The following NCR1 variants were observed in gnomAD, a reference collection of about 807,000 sequenced individuals.
The protein encoded by NCR1 is NK cell-activating receptor.
NCR1 carries 30 observed loss-of-function variants against 32.5 expected under a neutral mutation model. The ratio of observed to expected loss-of-function variants is 0.92; its 90% CI spans 0.69 to 1.25. NCR1 has a LOEUF of 1.25. Ranked by LOEUF, NCR1 falls within the 50% of genes most tolerant of loss-of-function variation. The pLI is 0.00. For synonymous variants in NCR1, 169 were observed against 143.4 expected (o/e 1.18, Z -1.28); for missense variants, 369 against 380.7 (o/e 0.97, Z 0.26).
chr19:54,909,828 A>G (rs1012445131), intron 4 of NCR1, among the ~76,000 whole-genome samples, 190 bp from the exon 5 acceptor site: 8 of 149,584 alleles, frequency 5.3e-5, no homozygotes, highest in African/African-American at 2.0e-4. Flanking sequence ...CCAGCTACTC[A>G]GGAGGCTGAG....
downstream of NCR1, among the ~76,000 whole-genome samples, chr19:54,915,296 A>C (rs1460410834): frequency 1.3e-5 from 2 of 152,068 alleles, no homozygotes; most frequent in Non-Finnish European, 2.9e-5. Flanking sequence ...AGGGGTCTTG[A>C]AATGCTGTCT....
the NCR1 span, among the ~76,000 whole-genome samples, chr19:54,937,542 A>G: frequency 6.6e-6 from 1 of 151,414 alleles, no homozygotes; most frequent in African/African-American, 2.4e-5. Context: ...AAAACACAAG[A>G]TTAAGTCATT....
rs773714148 is a variant in NCR1, at chr19:54,912,158, T to G, written c.683-10T>G. On this transcript the variant is annotated splice_polypyrimidine_tract_variant and intron_variant, in intron 5 of 6. Coordinates refer to ENST00000291890, the MANE Select transcript of NCR1 (RefSeq NM_004829.7). ...AACCATCCTCTTTTCTTCACTTCCCTTATCATCAGCAGACACTTGGGGCAC... is the reference window on the plus strand; with the variant it reads ...AACCATCCTCTTTTCTTCACTTCCCGTATCATCAGCAGACACTTGGGGCAC... 2 of 1,613,184 alleles carry G rather than the reference T, an allele frequency of 1.2e-6. No individual in the cohort carries two copies. Among genetic ancestry groups the G allele is most frequent in the Non-Finnish European group, 1.7e-6 (2 of 1,179,394 alleles).
At chr19:54,902,319 A>C (rs1278537356), upstream of NCR1, among the ~76,000 whole-genome samples, 1 of 151,144 alleles carries the variant, frequency 6.6e-6, no homozygotes, top group South Asian at 2.1e-4. Context: ...TTTTTTTTAT[A>C]GACAGGGTAA....
At chr19:54,900,190 C>T in the NCR1 span, among the ~76,000 whole-genome samples, 1 of 152,140 alleles carries the variant, frequency 6.6e-6, no homozygotes, top group African/African-American at 2.4e-5. Context: ...AAATTTCACT[C>T]ACGTCCGTGT....
Position 54,913,010 on chromosome 19 carries a change from G to A in NCR1, c.*139G>A. 2.6e-6 allele frequency: 2 copies of A among 772,930 alleles called. No individual in the cohort carries two copies. Among genetic ancestry groups the A allele is most frequent in the Non-Finnish European group, 4.1e-6 (2 of 493,194 alleles). 47.9% of individuals were successfully genotyped at this position (772,930 alleles called of 1,614,324 possible). ...GGACACTGGCATTCCATTTGTCAGAGCATCCCGGACGATGCAGAGGGTGGG... is the reference window on the plus strand; with the variant it reads ...GGACACTGGCATTCCATTTGTCAGAACATCCCGGACGATGCAGAGGGTGGG... On this transcript the variant is annotated 3_prime_UTR_variant, in exon 7 of 7. Transcript: ENST00000291890.
chr19:54,934,518 T>C, the NCR1 span: 1 of 1,614,110 alleles, frequency 6.2e-7, no homozygotes, highest in Non-Finnish European at 8.5e-7. The surrounding 1 kb of genome is among the most constrained non-coding windows in gnomAD (Gnocchi z 6.7). Context: ...GTTTTGGGCG[T>C]GTCATGGTCT....
chr19:54,908,404 T>C (rs1225480242), intron 3 of NCR1, among the ~76,000 whole-genome samples: 2 of 151,536 alleles, frequency 1.3e-5, no homozygotes, highest in Non-Finnish European at 2.9e-5. Context: ...ACAGACACAG[T>C]AACAATCTGA....
upstream of NCR1, among the ~76,000 whole-genome samples, chr19:54,901,720 C>T (rs1261303672): frequency 6.6e-6 from 1 of 152,134 alleles, no homozygotes; most frequent in African/African-American, 2.4e-5. Flanking sequence ...CTAATCCCAG[C>T]ACTTTGGGAG....
the NCR1 span, chr19:54,936,275 G>A: frequency 6.2e-7 from 1 of 1,613,378 alleles, no homozygotes; most frequent in South Asian, 1.1e-5. Flanking sequence ...GGTACTGCAG[G>A]TTGCATTTAT....
intron 5 of NCR1, among the ~76,000 whole-genome samples, chr19:54,911,425 G>A (rs149783172): frequency 6.6e-6 from 1 of 152,056 alleles, no homozygotes; most frequent in African/African-American, 2.4e-5. Flanking sequence ...AGGAGAAAGA[G>A]GTAATGATGA....
the NCR1 span, among the ~76,000 whole-genome samples, chr19:54,928,104 T>C: frequency 0.55 from 84,160 of 151,642 alleles, 23,569 homozygotes; most frequent in East Asian, 0.72. Flanking sequence ...CCTTTAATGC[T>C]AGCTACTTGG....
At chr19:54,900,275 A>G in the NCR1 span, among the ~76,000 whole-genome samples, 1 of 152,008 alleles carries the variant, frequency 6.6e-6, no homozygotes, top group Non-Finnish European at 1.5e-5. Flanking sequence ...GGCTGAGTCC[A>G]GAAAGAGAGT....
chr19:54,929,556 G>A, the NCR1 span, among the ~76,000 whole-genome samples: 1 of 152,084 alleles, frequency 6.6e-6, no homozygotes, highest in African/African-American at 2.4e-5. Context: ...TTCCATTTGT[G>A]GAGACTTTGC....
At position 54,909,545 on chromosome 19, in the gene NCR1, C is replaced by T. The variant is rs372363952; in HGVS notation, c.634+22C>T. 6.9e-6 allele frequency: 11 copies of T among 1,591,378 alleles called. No individual in the cohort carries two copies. In the African/African-American group the frequency reaches 1.2e-4, roughly 17 times the overall value. ...ACAGGTGAGGAAATGCTCAATTCCC[C>T]ACACCCTTCGCCGCCATGTGCTACC... is the stretch of plus-strand genomic sequence containing the variant. On this transcript the variant is annotated intron_variant, in intron 4 of 6. Transcript: ENST00000291890.
chr19:54,923,627 T>C, the NCR1 span: 2 of 1,235,302 alleles, frequency 1.6e-6, no homozygotes, highest in Non-Finnish European at 2.4e-6. Context: ...TGTCAAATCC[T>C]ACCTCTCGAC....
chr19:54,919,540 G>A (rs368703397), downstream of NCR1, among the ~76,000 whole-genome samples: 3 of 152,334 alleles, frequency 2.0e-5, no homozygotes, highest in East Asian at 5.8e-4. Context: ...AGAAGGCAGA[G>A]CCAGGTGTAC....
intron 4 of NCR1, 61 bp from the exon 5 acceptor site, chr19:54,909,954 AAAG>A: frequency 1.4e-5 from 19 of 1,396,918 alleles, no homozygotes; most frequent in East Asian, 4.6e-5. Flanking sequence ...AAAAAAAAAA[AAAG>A]AATGGCAAGA....
chr19:54,927,182 A>G, the NCR1 span, among the ~76,000 whole-genome samples: 2 of 151,884 alleles, frequency 1.3e-5, no homozygotes, highest in Non-Finnish European at 2.9e-5. Flanking sequence ...TGAGGTCAGG[A>G]GTTCAAGACT....
Sources: gnomAD v4.1 joint callset for allele counts (sites outside exome capture counted in the v4.1 genomes callset) on GRCh38, gnomAD v4.1.1 for gene constraint, Gnocchi (gnomAD v3.1) non-coding constraint, MANE v1.5 for transcripts, NCBI Gene and HGNC (gene_info 2026-07-23, HGNC 2026-07-21) for gene names.